Variants in AGAP1 observed in about 807,000 individuals in gnomAD.
AGAP1 encodes the protein ArfGAP with GTPase domain, ankyrin repeat and PH domain 1.
Under a neutral mutation model 105.3 loss-of-function variants are expected in AGAP1, and 29 were observed. The ratio of observed to expected loss-of-function variants is 0.28; its 90% CI spans 0.21 to 0.38. The LOEUF is 0.38. Ranked by LOEUF, AGAP1 falls within the 10% of genes least tolerant of loss-of-function variation. The pLI is 1.00. For synonymous variants in AGAP1, 509 were observed against 485.9 expected (o/e 1.05, Z -0.63); for missense variants, 998 against 1,165.1 (o/e 0.86, Z 2.09).
At chr2:236,098,400 A>T (rs979548441) in intron 16 of AGAP1, among the ~76,000 whole-genome samples, 11 of 151,874 alleles carry the variant, frequency 7.2e-5, no homozygotes, top group African/African-American at 2.7e-4. Flanking sequence ...ATGAAACTTC[A>T]TCTTTGCTAA....
chr2:235,905,699 G>A lies in AGAP1; in HGVS notation c.1156-3039G>A, dbSNP rs1177825432. Reference sequence around the variant, plus strand: ...TTTTTAGTAGAGCAGGCATTTCACCGTGTTGGCTAGGCTGGTCTTGAACTC... The same window carrying A: ...TTTTTAGTAGAGCAGGCATTTCACCATGTTGGCTAGGCTGGTCTTGAACTC... On this transcript the variant is annotated intron_variant, in intron 10 of 17. Coordinates refer to ENST00000304032, the MANE Select transcript of AGAP1 (RefSeq NM_001037131.3). The surrounding 1 kb of genome is among the most constrained non-coding windows in gnomAD (Gnocchi z 4.2). Among the ~76,000 whole-genome samples the A allele has an allele frequency of 6.6e-6, 1 of 152,084 alleles. No individual in the cohort carries two copies. Among genetic ancestry groups the A allele is most frequent in the Non-Finnish European group, 1.5e-5 (1 of 68,020 alleles).
In AGAP1 at chr2:235,725,267, C is replaced by G. The variant is rs141957497; in HGVS notation, c.310+7623C>G. On this transcript the variant is annotated intron_variant, in intron 3 of 17. Coordinates refer to ENST00000304032, the MANE Select transcript of AGAP1 (RefSeq NM_001037131.3). The surrounding 1 kb of genome is among the most constrained non-coding windows in gnomAD (Gnocchi z 5.7). The stretch of plus-strand genomic sequence containing the variant: ...CTGTCATCGGGGTAGTAAATGTGTT[C>G]TCAGGAGCACGTGTATCTTAAATAT... Among the ~76,000 whole-genome samples the G allele has an allele frequency of 6.6e-6, 1 of 152,282 alleles. No homozygotes were observed. Among genetic ancestry groups the G allele is most frequent in the South Asian group, 2.1e-4 (1 of 4,830 alleles).
At chr2:235,847,424 TACTC>T (rs769300393) in intron 9 of AGAP1, among the ~76,000 whole-genome samples, 15 of 152,242 alleles carry the variant, frequency 9.9e-5, no homozygotes, top group Non-Finnish European at 1.6e-4. Context: ...ACAGTGTACA[TACTC>T]AATATTAAAT....
In AGAP1 at chr2:235,729,065, A is replaced by C. The variant is rs530710134; in HGVS notation, c.310+11421A>C. ...ATAAGAGTCAGAGTGGCTGGGCTCC[A>C]GGGCTCCAGCCAGGCTATTAGCAGG... On this transcript the variant is annotated intron_variant, in intron 3 of 17. Transcript: ENST00000304032. The surrounding 1 kb of genome is among the most constrained non-coding windows in gnomAD (Gnocchi z 5.0). 6.6e-5 allele frequency among the ~76,000 whole-genome samples: 10 copies of C among 152,238 alleles called. 1 individual carries two copies. The highest frequency in any genetic ancestry group is 2.4e-4 in the African/African-American group (10 of 41,506).
At position 235,614,532 on chromosome 2, in the gene AGAP1, C is replaced by G. The variant is rs565510238; in HGVS notation, c.164-94647C>G. ...GGGGTGGGGGCTTTGCTCTTTAGCC[C>G]GTGAGCAGTGGAAAGTCATTGAATG... On this transcript the variant is annotated intron_variant, in intron 1 of 17. Transcript: ENST00000304032. This position sits in a 1 kb window ranked among gnomAD's most constrained non-coding sequence, Gnocchi z 4.7. 6.6e-6 allele frequency among the ~76,000 whole-genome samples: 1 copy of G among 152,118 alleles called. No homozygotes were observed. Among genetic ancestry groups the G allele is most frequent in the African/African-American group, 2.4e-5 (1 of 41,402 alleles).
At chr2:235,522,935 C>A (rs1942678204) in intron 1 of AGAP1, among the ~76,000 whole-genome samples, 1 of 152,140 alleles carries the variant, frequency 6.6e-6, no homozygotes, top group South Asian at 2.1e-4. Context: ...ATGTGGGTGA[C>A]ATGCCACCAG....
intron 1 of AGAP1, among the ~76,000 whole-genome samples, chr2:235,686,548 TATATATATACACAC>T (rs1949389784): frequency 4.1e-5 from 2 of 49,266 alleles, no homozygotes; most frequent in East Asian, 5.2e-4. Flanking sequence ...AGGAAGGAGA[TATATATATACACAC>T]ACACACACAC....
In AGAP1 at chr2:235,705,975, T is replaced by A. The variant is rs1398384001; in HGVS notation, c.164-3204T>A. ...GAATAGAGCTCATTTTAATTCACAG[T>A]TTACCCTCTTTGTTTTACTATTAAA... is the stretch of plus-strand genomic sequence containing the variant. On this transcript the variant is annotated intron_variant, in intron 1 of 17. Coordinates refer to ENST00000304032, the MANE Select transcript of AGAP1 (RefSeq NM_001037131.3). This position sits in a 1 kb window ranked among gnomAD's most constrained non-coding sequence, Gnocchi z 4.9. Among the ~76,000 whole-genome samples the A allele has an allele frequency of 2.0e-5, 3 of 152,196 alleles. No individual in the cohort carries two copies. Among genetic ancestry groups the A allele is most frequent in the African/African-American group, 7.2e-5 (3 of 41,434 alleles).
At chr2:235,695,378 C>G (rs1006231949) in intron 1 of AGAP1, among the ~76,000 whole-genome samples, 3 of 152,108 alleles carry the variant, frequency 2.0e-5, no homozygotes, top group African/African-American at 7.2e-5. Flanking sequence ...AAAGGCAATC[C>G]CCTACCCCCG....
In AGAP1 at chr2:236,123,930, C is replaced by T. The variant is rs73996547; in HGVS notation, c.2382C>T (p.Asp794=). ...LAQLLIWYGV[D]VTARDAHGNT... ...CCTTACCTCCGCAGTACGGAGTGGACGTCACGGCCCGAGATGCCCACGGGA... is the reference window on the plus strand; with the variant it reads ...CCTTACCTCCGCAGTACGGAGTGGATGTCACGGCCCGAGATGCCCACGGGA... The change falls in exon 18 of 18, where the codon GAC becomes GAT. Residue 794 remains aspartate (D), a synonymous_variant. Coordinates refer to ENST00000304032, the MANE Select transcript of AGAP1 (RefSeq NM_001037131.3). This position sits in a 1 kb window ranked among gnomAD's most constrained non-coding sequence, Gnocchi z 4.6. 3.9e-3 allele frequency: 6,367 copies of T among 1,613,022 alleles called. 132 individuals carry two copies. The African/African-American group carries it at 0.053, about 13-fold the overall frequency.
chr2:235,926,978 T>C (rs998428965), intron 11 of AGAP1, among the ~76,000 whole-genome samples: 1 of 152,178 alleles, frequency 6.6e-6, no homozygotes, highest in Non-Finnish European at 1.5e-5. Context: ...TAATTCTACT[T>C]TGAAAAAAAT....
At chr2:235,536,624 C>A (rs1466913430) in intron 1 of AGAP1, among the ~76,000 whole-genome samples, 17 of 106,448 alleles carry the variant, frequency 1.6e-4, no homozygotes, top group African/African-American at 6.7e-4. Flanking sequence ...TGTGTCGCAT[C>A]CTTCACACAC....
intron 13 of AGAP1, among the ~76,000 whole-genome samples, chr2:235,987,983 C>T (rs1023245492): frequency 2.0e-5 from 3 of 152,078 alleles, no homozygotes; most frequent in Non-Finnish European, 4.4e-5. Flanking sequence ...AAAATCAAAC[C>T]GAAAGTATGC....
At chr2:235,851,643 T>G (rs984841829) in intron 9 of AGAP1, among the ~76,000 whole-genome samples, 1 of 152,076 alleles carries the variant, frequency 6.6e-6, no homozygotes, top group Admixed American at 6.5e-5. Context: ...TCCGTGTGTG[T>G]GGCCCTGAAC....
chr2:235,826,510 C>T (rs1373174354), intron 9 of AGAP1, among the ~76,000 whole-genome samples: 4 of 152,040 alleles, frequency 2.6e-5, no homozygotes, highest in East Asian at 1.9e-4. Context: ...AGTGCAGTGG[C>T]ACGATCTCGG....
chr2:236,115,484 C>A (rs1166526285), intron 16 of AGAP1, among the ~76,000 whole-genome samples: 1 of 152,182 alleles, frequency 6.6e-6, no homozygotes, highest in East Asian at 1.9e-4. Flanking sequence ...TGGCTTTTCC[C>A]TGCCTTTGGG....
At chr2:235,717,526 GAT>G in intron 2 of AGAP1, 29 bp from the exon 3 acceptor site, 6 of 1,555,364 alleles carry the variant, frequency 3.9e-6, no homozygotes, top group Non-Finnish European at 5.2e-6. Flanking sequence ...GTGATTTGAT[GAT>G]GCTTAACGGT....
chr2:236,015,402 C>T lies in AGAP1; in HGVS notation c.1646-21159C>T, dbSNP rs763010316. Among the ~76,000 whole-genome samples, 6 of 152,020 alleles carry T rather than the reference C, an allele frequency of 3.9e-5. No homozygotes were observed. The South Asian group carries it at 1.0e-3, about 26-fold the overall frequency. On this transcript the variant is annotated intron_variant, in intron 13 of 17. Transcript: ENST00000304032. ...ATGGGCTGCTATTTGCTTGTAAAGT[C>T]AGTATTTTGTTGTGTTTCTAAAGGT...
chr2:235,596,169 G>A lies in AGAP1; in HGVS notation c.163+101320G>A, dbSNP rs1428601668. Among the ~76,000 whole-genome samples, 4 of 152,216 alleles carry A rather than the reference G, an allele frequency of 2.6e-5. No individual in the cohort carries two copies. The highest frequency in any genetic ancestry group is 6.5e-5 in the Admixed American group (1 of 15,280). On this transcript the variant is annotated intron_variant, in intron 1 of 17. Coordinates refer to ENST00000304032, the MANE Select transcript of AGAP1 (RefSeq NM_001037131.3). The surrounding 1 kb of genome is among the most constrained non-coding windows in gnomAD (Gnocchi z 5.9). Reference sequence around the variant, plus strand: ...CTTCATGTCAAGTCTAAGTGGCACAGCTATCCATGAACACTGTAAACATTC... The same window carrying A: ...CTTCATGTCAAGTCTAAGTGGCACAACTATCCATGAACACTGTAAACATTC...
Sources: gnomAD v4.1 joint callset for allele counts (sites outside exome capture counted in the v4.1 genomes callset) on GRCh38, gnomAD v4.1.1 for gene constraint, Gnocchi (gnomAD v3.1) non-coding constraint, MANE v1.5 for transcripts, NCBI Gene and HGNC (gene_info 2026-07-23, HGNC 2026-07-21) for gene names.